LMCD1: variants seen among roughly 807,000 people sequenced by gnomAD.
LMCD1 encodes the protein LIM and cysteine rich domains 1.
A neutral mutation model predicts 42.7 loss-of-function variants in LMCD1; 32 were observed. That is an observed-to-expected ratio of 0.75 (90% CI 0.57 to 1.01). LMCD1 has a LOEUF of 1.01. LMCD1 is among the 50% of genes least tolerant of loss of function. LMCD1 has a pLI of 0.00. For missense variants in LMCD1, 458 were observed against 483.1 expected (o/e 0.95, Z 0.49); for synonymous variants, 178 against 184.9 (o/e 0.96, Z 0.30).
chr3:8,569,908 A>C lies in LMCD1; in HGVS notation c.*2310A>C, dbSNP rs1695185755. 1 of 153,092 alleles carries C rather than the reference A, an allele frequency of 6.5e-6. No individual in the cohort carries two copies. The highest frequency in any genetic ancestry group is 1.4e-5 in the Non-Finnish European group (1 of 69,122). The allele number at this position is 153,092 out of a possible 1,614,324, so 9.5% of individuals were successfully genotyped here. ...CTCTAGAGGATAACCTGAGCCCAGT[A>C]AGTCAAGGCTGCAGTGAGCTGTGAT... On this transcript the variant is annotated 3_prime_UTR_variant, in exon 6 of 6. Transcript: ENST00000157600.
rs765466017 is a variant in LMCD1 at position 8,568,004 on chromosome 3, G to A, written c.*406G>A. On this transcript the variant is annotated 3_prime_UTR_variant, in exon 6 of 6. Coordinates refer to ENST00000157600, the MANE Select transcript of LMCD1 (RefSeq NM_014583.4). ...TTTGTGGACACAGGAGCTCCTCCAG[G>A]AGCAGGCTGGGATCCCAACTATCGC... The A allele has an allele frequency of 2.8e-4, 43 of 154,484 alleles. No homozygotes were observed. The highest frequency in any genetic ancestry group is 2.0e-4 in the Non-Finnish European group (14 of 69,760). 9.6% of individuals were successfully genotyped at this position (154,484 alleles called of 1,614,324 possible). A position where few individuals can be genotyped will look rare whatever the true frequency, so the allele number is the denominator to read the frequency against.
At chr3:8,535,169 C>T (rs1483718380) in intron 2 of LMCD1, among the ~76,000 whole-genome samples, 1 of 152,160 alleles carries the variant, frequency 6.6e-6, no homozygotes, top group Non-Finnish European at 1.5e-5. Context: ...ACTTCCAGCC[C>T]TGCTGTTCTC....
chr3:8,519,833 A>G (rs1694167182), intron 1 of LMCD1, among the ~76,000 whole-genome samples: 1 of 152,152 alleles, frequency 6.6e-6, no homozygotes, highest in Non-Finnish European at 1.5e-5. Context: ...AAGGCACTAC[A>G]CTAAAACACA....
At chr3:8,512,645 T>A (rs1055427211) in intron 1 of LMCD1, among the ~76,000 whole-genome samples, 3 of 152,192 alleles carry the variant, frequency 2.0e-5, no homozygotes, top group Admixed American at 1.3e-4. Context: ...CCCAGCTAAT[T>A]AAAATGGCTG....
At position 8,565,539 on chromosome 3, in the gene LMCD1, G is replaced by C; in HGVS notation, c.831G>C (p.Lys277Asn). The C allele has an allele frequency of 6.2e-7, 1 of 1,614,206 alleles. No homozygotes were observed. The highest frequency in any genetic ancestry group is 8.5e-7 in the Non-Finnish European group (1 of 1,180,028). Residue 277 changes from lysine (K) to asparagine (N), a missense_variant, in exon 5 of 6, where the codon AAG becomes AAC. Transcript: ENST00000157600. The part of the protein sequence containing the change: ...QWHPTCFVCA[K>N]CSEPLVDLIY... The stretch of plus-strand genomic sequence containing the variant: ...ACCCCACCTGCTTTGTGTGTGCCAA[G>C]TGCTCCGAGCCGCTGGTGGACCTCA...
At chr3:8,552,023 A>C (rs1694850777) in intron 4 of LMCD1, among the ~76,000 whole-genome samples, 1 of 152,212 alleles carries the variant, frequency 6.6e-6, no homozygotes. Context: ...TTAACGGGAG[A>C]AAAACGAAGG....
At chr3:8,524,061 C>G (rs576638106) in intron 1 of LMCD1, among the ~76,000 whole-genome samples, 2 of 152,256 alleles carry the variant, frequency 1.3e-5, no homozygotes, top group African/African-American at 4.8e-5. Flanking sequence ...AGACCCTTGT[C>G]AAGACCCCAG....
Position 8,548,596 on chromosome 3 carries a change from A to C in LMCD1, c.416A>C (p.Lys139Thr). Residue 139 changes from lysine to threonine, a missense_variant, in exon 4 of 6, where the codon AAG (lysine) becomes ACG (threonine). Lys to Thr is a moderately conservative substitution (Grantham distance 78). Transcript: ENST00000157600. ...LGLQYMELIP[K>T]EKQPVTGTEG... ...CTGCAGTACATGGAGCTCATCCCCA[A>C]GGAGAAGCAGCCAGTGACAGGCACA... The C allele has an allele frequency of 6.2e-7, 1 of 1,613,602 alleles. No homozygotes were observed. The highest frequency in any genetic ancestry group is 8.5e-7 in the Non-Finnish European group (1 of 1,179,644).
intron 2 of LMCD1, 51 bp from the exon 3 acceptor site, chr3:8,537,134 C>T (rs771862513): frequency 6.3e-7 from 1 of 1,581,654 alleles, no homozygotes; most frequent in South Asian, 1.1e-5. Flanking sequence ...GGAGAATGTG[C>T]CTCTTTTTCC....
intron 1 of LMCD1, among the ~76,000 whole-genome samples, chr3:8,509,827 A>G (rs1190774960): frequency 5.3e-5 from 8 of 152,176 alleles, no homozygotes; most frequent in Non-Finnish European, 8.8e-5. Context: ...CACATTTTAA[A>G]TAGGGCCTTT....
At chr3:8,553,380 T>A (rs763288518) in intron 4 of LMCD1, among the ~76,000 whole-genome samples, 8 of 151,738 alleles carry the variant, frequency 5.3e-5, no homozygotes, top group Non-Finnish European at 1.0e-4. Context: ...TGGAAAAAAA[T>A]GTCCACACCA....
At chr3:8,522,057 C>T (rs1441074243) in intron 1 of LMCD1, among the ~76,000 whole-genome samples, 2 of 151,802 alleles carry the variant, frequency 1.3e-5, no homozygotes, top group Non-Finnish European at 2.9e-5. Context: ...TTTCCTGGAA[C>T]CAGTCTCAAA....
chr3:8,526,031 A>G (rs1371314868), intron 1 of LMCD1, among the ~76,000 whole-genome samples: 1 of 152,172 alleles, frequency 6.6e-6, no homozygotes, highest in East Asian at 1.9e-4. Flanking sequence ...AGGTAGAACT[A>G]TATGTCAGGC....
chr3:8,544,619 C>T (rs1694698484), intron 3 of LMCD1, among the ~76,000 whole-genome samples: 2 of 152,164 alleles, frequency 1.3e-5, no homozygotes, highest in South Asian at 2.1e-4. Flanking sequence ...GACTTGTACT[C>T]CCCCACCCCA....
In LMCD1 at chr3:8,537,211, GC is replaced by G; in HGVS notation, c.160del (p.Gln54LysfsTer6). The G allele has an allele frequency of 6.2e-7, 1 of 1,614,082 alleles. No homozygotes were observed. The highest frequency in any genetic ancestry group is 8.5e-7 in the Non-Finnish European group (1 of 1,179,976). On this transcript the variant is annotated frameshift_variant, in exon 3 of 6. Coordinates refer to ENST00000157600, the MANE Select transcript of LMCD1 (RefSeq NM_014583.4). LOFTEE classifies it high-confidence loss of function. ...AAAATATGCAAGTCTTGCAAATGCA[GC>G]CAAGAGGACCACTGCCTAACATCTG... The part of the protein sequence containing the change: ...WRKICKSCKC[S>X]QEDHCLTSDL...
At chr3:8,502,940 G>A (rs530292486) in intron 1 of LMCD1, among the ~76,000 whole-genome samples, 1 of 152,258 alleles carries the variant, frequency 6.6e-6, no homozygotes, top group African/African-American at 2.4e-5. Flanking sequence ...GCAGCTGACT[G>A]TAAGGCAAGC....
At chr3:8,503,462 T>C (rs752321132) in intron 1 of LMCD1, among the ~76,000 whole-genome samples, 1 of 152,222 alleles carries the variant, frequency 6.6e-6, no homozygotes, top group Non-Finnish European at 1.5e-5. Flanking sequence ...CCTACAGAAA[T>C]TACCATAACA....
rs540459369 is a variant in LMCD1, at chr3:8,566,951, T to C, written c.940-489T>C. On this transcript the variant is annotated intron_variant, in intron 5 of 5. Coordinates refer to ENST00000157600, the MANE Select transcript of LMCD1 (RefSeq NM_014583.4). Reference sequence around the variant, plus strand: ...AACTCATACCCAGTTCTTGTTTGACTCCAATACTAGAAGGCCCATTAAACA... The same window carrying C: ...AACTCATACCCAGTTCTTGTTTGACCCCAATACTAGAAGGCCCATTAAACA... Among the ~76,000 whole-genome samples, 15 of 152,322 alleles carry C rather than the reference T, an allele frequency of 9.8e-5. No individual in the cohort carries two copies. In the South Asian group the frequency reaches 1.5e-3, roughly 15 times the overall value.
intron 4 of LMCD1, among the ~76,000 whole-genome samples, chr3:8,557,792 A>G (rs929783307): frequency 2.0e-5 from 3 of 152,216 alleles, no homozygotes; most frequent in African/African-American, 7.2e-5. Context: ...TATTTTGCTC[A>G]CAAATCACCA....
Sources: gnomAD v4.1 joint callset for allele counts (sites outside exome capture counted in the v4.1 genomes callset) on GRCh38, gnomAD v4.1.1 for gene constraint, MANE v1.5 for transcripts, NCBI Gene and HGNC (gene_info 2026-07-23, HGNC 2026-07-21) for gene names.